The following ATP10B variants were observed in gnomAD, a reference collection of about 807,000 sequenced individuals.
ATP10B encodes the protein phospholipid-transporting ATPase VB.
Under a neutral mutation model 141.2 loss-of-function variants are expected in ATP10B, and 122 were observed. The ratio of observed to expected loss-of-function variants is 0.86; its 90% CI spans 0.75 to 1.00. The LOEUF (loss-of-function observed/expected upper bound fraction) is 1.00, where lower values mean the gene tolerates loss of function less well. ATP10B is among the 50% of genes least tolerant of loss of function. ATP10B has a pLI of 0.00. For synonymous variants in ATP10B, 685 were observed against 692.0 expected (o/e 0.99, Z 0.16); for missense variants, 1,876 against 1,825.3 (o/e 1.03, Z -0.51).
rs1771099666 is a variant in ATP10B, at chr5:160,785,756, T to C, written c.-528A>G. On this transcript the variant is annotated 5_prime_UTR_variant, in exon 2 of 26. It removes an upstream start codon present in the reference 5' UTR. Transcript: ENST00000327245. ...CTTACTCTTCACACTGTTGCTTTCA[T>C]TGAAACAAATGTCACCAGTCGGTTC... The C allele has an allele frequency of 9.0e-7, 1 of 1,115,732 alleles. No homozygotes were observed. Among genetic ancestry groups the C allele is most frequent in the Non-Finnish European group, 1.2e-6 (1 of 856,076 alleles). 69.1% of individuals were successfully genotyped at this position (1,115,732 alleles called of 1,614,324 possible). A position where few individuals can be genotyped will look rare whatever the true frequency, so the allele number is the denominator to read the frequency against.
At chr5:160,704,945 G>GTTTTTTTTTTTTTTTTTTTTTTTTT (rs1464681451) in intron 3 of ATP10B, among the ~76,000 whole-genome samples, 2 of 52,426 alleles carry the variant, frequency 3.8e-5, no homozygotes, top group Non-Finnish European at 5.7e-5. Context: ...TGTTGAGACA[G>GTTTTTTTTTTTTTTTTTTTTTTTTT]TCTTGCTCTG....
intron 7 of ATP10B, among the ~76,000 whole-genome samples, chr5:160,654,521 T>C (rs1350465824): frequency 6.6e-6 from 1 of 152,116 alleles, no homozygotes; most frequent in East Asian, 1.9e-4. Flanking sequence ...CTGCAGCTCT[T>C]TAGGTCAGAC....
At chr5:160,629,665 G>A (rs1758809853) in intron 13 of ATP10B, among the ~76,000 whole-genome samples, 1 of 152,172 alleles carries the variant, frequency 6.6e-6, no homozygotes, top group African/African-American at 2.4e-5. Flanking sequence ...TTAGGTATCT[G>A]TCTAGAACAC....
intron 10 of ATP10B, 144 bp from the exon 11 acceptor site, chr5:160,636,453 G>A (rs1759379830): frequency 1.3e-6 from 1 of 781,156 alleles, no homozygotes; most frequent in African/African-American, 1.7e-5. Context: ...CTCTGTGTGT[G>A]TGTGTGTTTG....
Position 160,835,581 on chromosome 5 carries a change from C to T in ATP10B, c.-576+16360G>A, listed in dbSNP as rs149171309. ...TCACCTCAGGGGTTAAGGATAAAGG[C>T]AAGCTTGGGGCACACACAGCATTGT... is the stretch of plus-strand genomic sequence containing the variant. On this transcript the variant is annotated intron_variant, in intron 1 of 25. Transcript: ENST00000327245. Among the ~76,000 whole-genome samples, 14 of 152,244 alleles carry T rather than the reference C, an allele frequency of 9.2e-5. 1 individual carries two copies. The highest frequency in any genetic ancestry group is 3.1e-4 in the African/African-American group (13 of 41,558).
the ATP10B span, among the ~76,000 whole-genome samples, chr5:160,921,277 T>G: frequency 2.9e-5 from 4 of 138,032 alleles, no homozygotes; most frequent in Admixed American, 6.9e-5. Context: ...GCACTTTGTT[T>G]TTTTTTTTTT....
At chr5:160,778,871 C>T (rs1371140963) in intron 2 of ATP10B, among the ~76,000 whole-genome samples, 1 of 152,168 alleles carries the variant, frequency 6.6e-6, no homozygotes, top group Non-Finnish European at 1.5e-5. Flanking sequence ...AATCCAAGCT[C>T]TGTTCCTTAT....
the ATP10B span, among the ~76,000 whole-genome samples, chr5:160,889,808 C>CT: frequency 6.6e-6 from 1 of 152,300 alleles, no homozygotes; most frequent in African/African-American, 2.4e-5. Context: ...TGGACCCAGG[C>CT]TGCCTTTCCT....
the ATP10B span, among the ~76,000 whole-genome samples, chr5:160,896,302 C>G: frequency 0.03 from 4,551 of 151,346 alleles, 169 homozygotes; most frequent in East Asian, 0.16. Context: ...AAATAGACCA[C>G]TAGCCAGATT....
intron 25 of ATP10B, among the ~76,000 whole-genome samples, chr5:160,568,660 A>ATTCTGGTCCCTCTTGGTAC (rs1206758834): frequency 3.3e-5 from 5 of 152,128 alleles, no homozygotes; most frequent in Non-Finnish European, 7.4e-5. Flanking sequence ...CTGTGAACAC[A>ATTCTGGTCCCTCTTGGTAC]TTCTGGTCCC....
At chr5:160,614,746 T>TC (rs937008648) in intron 17 of ATP10B, among the ~76,000 whole-genome samples, 2 of 152,190 alleles carry the variant, frequency 1.3e-5, no homozygotes, top group African/African-American at 4.8e-5. Flanking sequence ...CTTGGGTCTT[T>TC]CCCCTTGGAA....
chr5:160,653,693 TATACATATACA>T (rs1270113163), intron 7 of ATP10B, among the ~76,000 whole-genome samples: 6 of 127,292 alleles, frequency 4.7e-5, no homozygotes, highest in African/African-American at 1.5e-4. Flanking sequence ...TATATACATA[TATACATATACA>T]ATATATACAT....
At position 160,598,810 on chromosome 5, in the gene ATP10B, A is replaced by G; in HGVS notation, c.3524T>C (p.Leu1175Pro). 1 of 1,614,196 alleles carries G rather than the reference A, an allele frequency of 6.2e-7. No homozygotes were observed. The highest frequency in any genetic ancestry group is 8.5e-7 in the Non-Finnish European group (1 of 1,180,028). The change falls in exon 22 of 26, where the codon CTG (leucine) becomes CCG (proline). Residue 1175 changes from leucine to proline, a missense_variant. Transcript: ENST00000327245. ...ACTCTTGTATAGCTCAGGCAATGCC[A>G]GGAGTGTTTCTGCAGAGATGTCTTT... ...LDKDISAETLLALPELYKSGQ... is the reference protein window; with the variant it reads ...LDKDISAETLPALPELYKSGQ...
At chr5:160,868,238 T>C in the ATP10B span, among the ~76,000 whole-genome samples, 5 of 152,108 alleles carry the variant, frequency 3.3e-5, no homozygotes, top group Non-Finnish European at 7.4e-5. Context: ...TTTTGACTCT[T>C]TTCCTGGATT....
At chr5:160,891,736 C>T in the ATP10B span, among the ~76,000 whole-genome samples, 3 of 152,166 alleles carry the variant, frequency 2.0e-5, no homozygotes, top group African/African-American at 7.2e-5. Flanking sequence ...CTGTGCCCAG[C>T]CAGAAACAGG....
At chr5:160,668,145 A>T (rs7736053) in intron 7 of ATP10B, among the ~76,000 whole-genome samples, 133,675 of 150,908 alleles carry the variant, frequency 0.89, 59,487 homozygotes, top group African/African-American at 0.97. Context: ...GGTAGGAGAA[A>T]CCCTTGAACC....
At chr5:160,699,138 G>A (rs1764537674) in intron 3 of ATP10B, among the ~76,000 whole-genome samples, 1 of 152,058 alleles carries the variant, frequency 6.6e-6, no homozygotes, top group Admixed American at 6.5e-5. Context: ...TGATCTCCCA[G>A]GTATCTTCCT....
intron 24 of ATP10B, among the ~76,000 whole-genome samples, chr5:160,573,967 G>A (rs573626509): frequency 6.6e-6 from 1 of 152,210 alleles, no homozygotes; most frequent in East Asian, 1.9e-4. Flanking sequence ...GTGTTTCTGA[G>A]GTATGTACTT....
chr5:160,617,718 G>T (rs1281420154), intron 16 of ATP10B, 146 bp downstream of exon 16: 5 of 699,364 alleles, frequency 7.1e-6, no homozygotes, highest in Non-Finnish European at 1.2e-5. Flanking sequence ...TCAGTGTCTT[G>T]GGTTTTTGTG....
Sources: gnomAD v4.1 joint callset for allele counts (sites outside exome capture counted in the v4.1 genomes callset) on GRCh38, gnomAD v4.1.1 for gene constraint, MANE v1.5 for transcripts, NCBI Gene and HGNC (gene_info 2026-07-23, HGNC 2026-07-21) for gene names.